Variants in ATXN1 observed in about 807,000 individuals in gnomAD.
ATXN1 encodes the protein ataxin-1.
A neutral mutation model predicts 56.4 loss-of-function variants in ATXN1; 8 were observed. The ratio of observed to expected loss-of-function variants is 0.14; its 90% confidence interval spans 0.08 to 0.26. The LOEUF is 0.26. Among genes scored for constraint, ATXN1 ranks in the 10% least tolerant of loss-of-function variants. The pLI, the probability that ATXN1 is intolerant of heterozygous loss-of-function variation, is 1.00. For synonymous variants in ATXN1, 514 were observed against 494.6 expected, an observed-to-expected ratio of 1.04 and a Z score of -0.52; for missense variants, 987 against 1,106.5, an observed-to-expected ratio of 0.89 and a Z score of 1.53.
intron 6 of ATXN1, among the ~76,000 whole-genome samples, chr6:16,374,168 T>C (rs1395590992): frequency 2.1e-5 from 3 of 145,336 alleles, no homozygotes; most frequent in Non-Finnish European, 3.0e-5. Context: ...ACATAGACCC[T>C]GCTAAAAAGG....
intron 3 of ATXN1, among the ~76,000 whole-genome samples, chr6:16,642,224 T>C (rs1264362917): frequency 1.3e-5 from 2 of 152,060 alleles, no homozygotes; most frequent in African/African-American, 2.4e-5. Context: ...GTGAAACCCA[T>C]CTCTACTAAA....
intron 2 of ATXN1, among the ~76,000 whole-genome samples, chr6:16,727,780 T>A (rs557454149): frequency 1.3e-5 from 2 of 152,200 alleles, no homozygotes; most frequent in African/African-American, 2.4e-5. Flanking sequence ...TGTCCACAAA[T>A]TCGGACTATA....
chr6:16,735,027 C>T (rs541264425), intron 2 of ATXN1, among the ~76,000 whole-genome samples: 2 of 152,032 alleles, frequency 1.3e-5, no homozygotes, highest in Non-Finnish European at 2.9e-5. Context: ...TTAGTAAAAA[C>T]AATTTTTGAA....
intron 6 of ATXN1, among the ~76,000 whole-genome samples, chr6:16,449,600 T>C (rs962072945): frequency 5.9e-5 from 9 of 152,218 alleles, no homozygotes. Flanking sequence ...GAAGCTATCA[T>C]TGGTCCTCCA....
chr6:16,577,670 A>G (rs1762449405), intron 4 of ATXN1, among the ~76,000 whole-genome samples: 1 of 152,238 alleles, frequency 6.6e-6, no homozygotes, highest in Non-Finnish European at 1.5e-5. Flanking sequence ...GAGAAGCAGA[A>G]AAAATAATTC....
In ATXN1 at chr6:16,350,066, T is replaced by A. The variant is rs76139833; in HGVS notation, c.-160-21596A>T. The stretch of plus-strand genomic sequence containing the variant: ...TTTAATTTAAGGCCCTAATTCCCAA[T>A]GAAAGATAAATAATGCTGCTGTAGG... On this transcript the variant is annotated intron_variant, in intron 6 of 7. Transcript: ENST00000436367. Among the ~76,000 whole-genome samples, 15 of 152,274 alleles carry A rather than the reference T, an allele frequency of 9.9e-5. No homozygotes were observed. In the East Asian group the frequency reaches 2.5e-3, roughly 25 times the overall value.
intron 6 of ATXN1, among the ~76,000 whole-genome samples, chr6:16,348,652 A>G (rs9396665): frequency 0.31 from 47,469 of 151,886 alleles, 11,468 homozygotes; most frequent in East Asian, 0.79. Context: ...CCAAGATTGT[A>G]CCATTGCACT....
At chr6:16,597,861 G>A (rs1315903021) in intron 3 of ATXN1, among the ~76,000 whole-genome samples, 1 of 152,164 alleles carries the variant, frequency 6.6e-6, no homozygotes, top group Non-Finnish European at 1.5e-5. Context: ...ACACATCTCT[G>A]GCCAGGGACA....
intron 6 of ATXN1, among the ~76,000 whole-genome samples, chr6:16,330,884 AAG>A (rs533149456): frequency 3.3e-5 from 5 of 152,220 alleles, no homozygotes; most frequent in Non-Finnish European, 7.3e-5. Flanking sequence ...CTCATATGAC[AAG>A]AGAGGCGCTT....
chr6:16,610,668 CA>C (rs1213960793), intron 3 of ATXN1, among the ~76,000 whole-genome samples: 1 of 152,040 alleles, frequency 6.6e-6, no homozygotes, highest in Non-Finnish European at 1.5e-5. Flanking sequence ...GCTCCCTAAT[CA>C]ATCAAAAATT....
chr6:16,319,848 T>G (rs1020683572), intron 7 of ATXN1, among the ~76,000 whole-genome samples: 5 of 151,256 alleles, frequency 3.3e-5, no homozygotes, highest in Non-Finnish European at 7.4e-5. Context: ...AAGGAGAGCA[T>G]TTTTCTCCTT....
At chr6:16,483,140 C>G (rs1157306617) in intron 6 of ATXN1, among the ~76,000 whole-genome samples, 1 of 152,142 alleles carries the variant, frequency 6.6e-6, no homozygotes, top group Admixed American at 6.5e-5. Context: ...CCCCTCCCCC[C>G]AGCCCTTACA....
At chr6:16,503,786 G>C (rs899066737) in intron 5 of ATXN1, among the ~76,000 whole-genome samples, 3 of 152,080 alleles carry the variant, frequency 2.0e-5, no homozygotes, top group African/African-American at 7.2e-5. Flanking sequence ...AAATATTTAT[G>C]TAAATATACA....
chr6:16,592,519 T>C (rs236982), intron 3 of ATXN1, among the ~76,000 whole-genome samples: 9,856 of 152,210 alleles, frequency 0.065, 425 homozygotes, highest in African/African-American at 0.13. Context: ...TATTAGTCAC[T>C]GTTGGGACAA....
chr6:16,442,475 A>G (rs1452529217), intron 6 of ATXN1, among the ~76,000 whole-genome samples: 1 of 152,198 alleles, frequency 6.6e-6, no homozygotes, highest in Non-Finnish European at 1.5e-5. Context: ...CAATATAGAT[A>G]GTATAATGAT....
chr6:16,318,825 A>G (rs1002252336), intron 7 of ATXN1, among the ~76,000 whole-genome samples: 1 of 152,156 alleles, frequency 6.6e-6, no homozygotes. Flanking sequence ...GATGGCCAGG[A>G]AGGACACTGC....
intron 2 of ATXN1, among the ~76,000 whole-genome samples, chr6:16,675,285 C>T (rs534377348): frequency 9.2e-5 from 14 of 152,302 alleles, no homozygotes; most frequent in African/African-American, 3.4e-4. Flanking sequence ...TGAGTCCGTG[C>T]TAAGACTTCA....
At chr6:16,417,488 G>C (rs1434198334) in intron 6 of ATXN1, among the ~76,000 whole-genome samples, 1 of 144,952 alleles carries the variant, frequency 6.9e-6, no homozygotes, top group Non-Finnish European at 1.5e-5. Flanking sequence ...ACCCAGGCTG[G>C]AGAGCAGTGG....
chr6:16,491,901 A>G (rs529832214), intron 5 of ATXN1, among the ~76,000 whole-genome samples: 3 of 152,298 alleles, frequency 2.0e-5, no homozygotes, highest in Non-Finnish European at 4.4e-5. Context: ...GTCATATGGC[A>G]AGGAACTGAA....
Sources: allele counts gnomAD v4.1 joint callset (sites outside exome capture counted in the v4.1 genomes callset), GRCh38; gene constraint gnomAD v4.1.1; transcripts MANE v1.5; gene names NCBI Gene and HGNC (gene_info 2026-07-23, HGNC 2026-07-21).